DLGAP2: variants seen among roughly 807,000 people sequenced by gnomAD.
DLGAP2 encodes DLG associated protein 2, also known as disks large-associated protein 2.
Under a neutral mutation model 100.3 loss-of-function variants are expected in DLGAP2, and 26 were observed. The ratio of observed to expected loss-of-function variants is 0.26; its 90% CI spans 0.19 to 0.36. The LOEUF (loss-of-function observed/expected upper bound fraction) is 0.36. Among genes scored for constraint, DLGAP2 ranks in the 10% least tolerant of loss-of-function variants. DLGAP2 has a pLI of 1.00. For synonymous variants in DLGAP2, 886 were observed against 630.1 expected, an observed-to-expected ratio of 1.41 and a Z score of -6.08; for missense variants, 1,858 against 1,453.2, an observed-to-expected ratio of 1.28 and a Z score of -4.53.
intron 4 of DLGAP2, among the ~76,000 whole-genome samples, chr8:1,545,879 T>A (rs1801518180): frequency 6.6e-6 from 1 of 152,176 alleles, no homozygotes; most frequent in Non-Finnish European, 1.5e-5. Flanking sequence ...TAGGCAGAAG[T>A]AGGATACGTG....
At chr8:1,427,694 T>A in intron 3 of DLGAP2, among the ~76,000 whole-genome samples, 1 of 151,962 alleles carries the variant, frequency 6.6e-6, no homozygotes, top group Non-Finnish European at 1.5e-5. Context: ...AAAATGGGAG[T>A]TTCCCTGTAC....
intron 3 of DLGAP2, among the ~76,000 whole-genome samples, chr8:1,430,923 G>A (rs545265194): frequency 2.0e-4 from 30 of 152,240 alleles, no homozygotes; most frequent in Admixed American, 1.3e-3. Context: ...ATTCTGACTC[G>A]GCTGTTGACT....
intron 3 of DLGAP2, among the ~76,000 whole-genome samples, chr8:1,482,333 C>T (rs1015428837): frequency 2.0e-5 from 3 of 152,216 alleles, no homozygotes; most frequent in Admixed American, 6.5e-5. Flanking sequence ...CGAGGCTTGC[C>T]TTCCTCAGAG....
intron 6 of DLGAP2, among the ~76,000 whole-genome samples, chr8:1,618,326 A>C (rs2130749743): frequency 6.6e-6 from 1 of 152,334 alleles, no homozygotes; most frequent in Non-Finnish European, 1.5e-5. Context: ...ATAATGAATA[A>C]TTGGAAAATG....
At chr8:832,566 A>C (rs1037544748) in intron 1 of DLGAP2, among the ~76,000 whole-genome samples, 3 of 152,200 alleles carry the variant, frequency 2.0e-5, no homozygotes, top group Admixed American at 2.0e-4. Context: ...ATACTATTAA[A>C]GTTTTCTAAT....
At chr8:1,134,519 G>T (rs1431275844) in intron 2 of DLGAP2, among the ~76,000 whole-genome samples, 2 of 68,774 alleles carry the variant, frequency 2.9e-5, no homozygotes, top group South Asian at 9.8e-4. Flanking sequence ...TTTAGTAATA[G>T]CCAGGAATTT....
intron 3 of DLGAP2, among the ~76,000 whole-genome samples, chr8:1,414,365 C>G (rs1563131972): frequency 6.6e-6 from 1 of 152,220 alleles, no homozygotes; most frequent in Non-Finnish European, 1.5e-5. Context: ...CAGTGAGGAC[C>G]TGCCAAGGGC....
At chr8:1,052,191 C>T (rs1706425719) in intron 2 of DLGAP2, among the ~76,000 whole-genome samples, 2 of 152,166 alleles carry the variant, frequency 1.3e-5, no homozygotes, top group African/African-American at 4.8e-5. Context: ...CCTGGGCCTG[C>T]CTCTGACCAC....
intron 2 of DLGAP2, among the ~76,000 whole-genome samples, chr8:1,104,425 A>C (rs1439113238): frequency 6.6e-6 from 1 of 152,216 alleles, no homozygotes; most frequent in African/African-American, 2.4e-5. Flanking sequence ...ATGTTACGGA[A>C]ATCCCTTTGG....
chr8:1,636,405 C>T (rs954862495), intron 8 of DLGAP2, among the ~76,000 whole-genome samples: 15 of 152,176 alleles, frequency 9.9e-5, no homozygotes, highest in African/African-American at 3.6e-4. Flanking sequence ...CTCAAGGGTA[C>T]ATAGTAATTC....
intron 3 of DLGAP2, chr8:1,369,915 C>A (rs1459764836): frequency 6.6e-6 from 1 of 152,262 alleles, no homozygotes; most frequent in Non-Finnish European, 1.5e-5. Context: ...GCAGCCGCTG[C>A]AGCCTGAGGA....
chr8:900,770 C>A (rs1413664104), intron 1 of DLGAP2, among the ~76,000 whole-genome samples: 2 of 152,066 alleles, frequency 1.3e-5, no homozygotes, highest in African/African-American at 4.8e-5. Context: ...GAGATATTCA[C>A]TGAAGGATTG....
chr8:1,467,351 C>T (rs1208800843), intron 3 of DLGAP2, among the ~76,000 whole-genome samples: 1 of 151,900 alleles, frequency 6.6e-6, no homozygotes, highest in African/African-American at 2.4e-5. Flanking sequence ...TGTGACTGTA[C>T]TTCCCATTCA....
chr8:1,596,651 G>T (rs914210807), intron 6 of DLGAP2, among the ~76,000 whole-genome samples: 11 of 152,012 alleles, frequency 7.2e-5, no homozygotes, highest in Non-Finnish European at 1.3e-4. Context: ...TCATATGTTT[G>T]TTGGCCTCAT....
chr8:795,249 C>A (rs1223829462), intron 1 of DLGAP2, among the ~76,000 whole-genome samples: 1 of 152,176 alleles, frequency 6.6e-6, no homozygotes, highest in Non-Finnish European at 1.5e-5. Flanking sequence ...AGTGCATAAC[C>A]TTGTTTTATT....
At chr8:786,373 C>G (rs1187239370) in intron 1 of DLGAP2, among the ~76,000 whole-genome samples, 1 of 152,212 alleles carries the variant, frequency 6.6e-6, no homozygotes, top group Non-Finnish European at 1.5e-5. Context: ...CTTCTCATGC[C>G]TGCATCTTCC....
chr8:879,386 C>G (rs1317486658), intron 1 of DLGAP2, among the ~76,000 whole-genome samples: 1 of 152,168 alleles, frequency 6.6e-6, no homozygotes, highest in Non-Finnish European at 1.5e-5. Context: ...AGATAGAGGT[C>G]CTTTGGGTCT....
At chr8:974,085 A>G (rs1458394193) in intron 2 of DLGAP2, among the ~76,000 whole-genome samples, 5 of 152,186 alleles carry the variant, frequency 3.3e-5, no homozygotes, top group African/African-American at 1.2e-4. Context: ...AAAGAAAGAA[A>G]AGAAAAGAAG....
At chr8:1,015,003 A>G (rs75435759) in intron 2 of DLGAP2, among the ~76,000 whole-genome samples, 50 of 1,160 alleles carry the variant, frequency 0.043, 5 homozygotes, top group African/African-American at 0.1. Context: ...AGGACAGACG[A>G]CGCCTCCACT....
Sources: gnomAD v4.1 joint callset for allele counts (sites outside exome capture counted in the v4.1 genomes callset) on GRCh38, gnomAD v4.1.1 for gene constraint, MANE v1.5 for transcripts, NCBI Gene and HGNC (gene_info 2026-07-23, HGNC 2026-07-21) for gene names.